AMOTL1: variants seen among roughly 807,000 people sequenced by gnomAD.
AMOTL1 encodes the protein angiomotin like 1.
Under a neutral mutation model 102.9 loss-of-function variants are expected in AMOTL1, and 45 were observed. The observed-to-expected ratio is 0.44, with a 90% CI of 0.34 to 0.56. AMOTL1 has a LOEUF of 0.56. AMOTL1 is among the 20% of genes least tolerant of loss of function. The probability of loss-of-function intolerance (pLI) is 0.01; values close to 1 mark genes in which losing one functional copy is unlikely to be tolerated. For missense variants in AMOTL1, 1,114 were observed against 1,225.6 expected, an observed-to-expected ratio of 0.91 and a Z score of 1.36; for synonymous variants, 481 against 484.7, an observed-to-expected ratio of 0.99 and a Z score of 0.10.
intron 1 of AMOTL1, among the ~76,000 whole-genome samples, chr11:94,712,137 C>T (rs1176867713): frequency 1.3e-5 from 2 of 151,988 alleles, no homozygotes; most frequent in East Asian, 3.9e-4. Context: ...TTTAGTCATT[C>T]TGATAGATGG....
intron 2 of AMOTL1, among the ~76,000 whole-genome samples, chr11:94,731,565 A>T (rs563359565): frequency 6.6e-6 from 1 of 152,326 alleles, no homozygotes; most frequent in South Asian, 2.1e-4. Context: ...AAATGGACGA[A>T]TTATAGAAAA....
chr11:94,707,447 CG>C (rs34065138), intron 1 of AMOTL1, among the ~76,000 whole-genome samples: 5,127 of 152,090 alleles, frequency 0.034, 125 homozygotes, highest in East Asian at 0.1. Flanking sequence ...GGATGATAAA[CG>C]GCTTTTGGAA....
chr11:94,836,608 T>C (rs1952187150), intron 6 of AMOTL1, among the ~76,000 whole-genome samples: 1 of 152,214 alleles, frequency 6.6e-6, no homozygotes, highest in Non-Finnish European at 1.5e-5. Flanking sequence ...CAAAATATTC[T>C]TTTAAACTTA....
rs1329824595 is a variant in AMOTL1, at chr11:94,800,198, C to T, written c.1008C>T (p.Asp336=). The change falls in exon 3 of 13, where the codon GAC becomes GAT. Residue 336 remains aspartate (D), a synonymous_variant. Coordinates refer to ENST00000433060, the MANE Select transcript of AMOTL1 (RefSeq NM_130847.3). ...AGGAGCACGGACTTTTTTATGGTGA[C>T]CAGCACCCCGGGATGCTCCACGAGA... The part of the protein sequence containing the change: ...KTQEHGLFYG[D]QHPGMLHEMV... 8 of 1,613,948 alleles carry T rather than the reference C, an allele frequency of 5.0e-6. No individual in the cohort carries two copies. The South Asian group carries it at 6.6e-5, about 13-fold the overall frequency.
chr11:94,738,238 A>C (rs1197983955), intron 2 of AMOTL1, among the ~76,000 whole-genome samples: 1 of 147,216 alleles, frequency 6.8e-6, no homozygotes, highest in Non-Finnish European at 1.5e-5. Context: ...CGAAAATAAG[A>C]CCAGAGAGCA....
intron 6 of AMOTL1, among the ~76,000 whole-genome samples, chr11:94,840,465 G>A (rs1172038763): frequency 6.6e-6 from 1 of 151,944 alleles, no homozygotes; most frequent in African/African-American, 2.4e-5. Flanking sequence ...AAATGACAGT[G>A]GGAGGGGTTA....
rs771929781 is a variant in AMOTL1, at chr11:94,821,805, C to T, written c.1397C>T (p.Ala466Val). ...GAACTTCAGGGTTACTACGACAATG[C>T]CGACAAGCTCCACAAGGTGCGTGAC... ...HQELQGYYDN[A>V]DKLHKFEKEL... Residue 466 changes from alanine (A) to valine (V), a missense_variant, in exon 4 of 13, where the codon GCC becomes GTC. By Grantham distance (64) the Ala-to-Val change is moderately conservative (BLOSUM62 0). Coordinates refer to ENST00000433060, the MANE Select transcript of AMOTL1 (RefSeq NM_130847.3). 1.9e-6 allele frequency: 3 copies of T among 1,613,710 alleles called. No individual in the cohort carries two copies. Among genetic ancestry groups the T allele is most frequent in the South Asian group, 2.2e-5 (2 of 91,062 alleles).
rs756448740 is a variant in AMOTL1 at position 94,821,644 on chromosome 11, G to A, written c.1236G>A (p.Pro412=). 26 of 1,613,652 alleles carry A rather than the reference G, an allele frequency of 1.6e-5. No homozygotes were observed. Among genetic ancestry groups the A allele is most frequent in the Middle Eastern group, 1.6e-4 (1 of 6,084 alleles). The change falls in exon 4 of 13, where the codon CCG becomes CCA. Residue 412 remains proline, a synonymous_variant. Transcript: ENST00000433060. ...CTGTCTCCCTGCCGCTTCCACTCCC[G>A]ATGGCCCTGGGTGCTCCACAGCCCC... The part of the protein sequence containing the change: ...LHSVSLPLPL[P]MALGAPQPPP...
At chr11:94,823,748 A>T (rs1272147122) in intron 4 of AMOTL1, among the ~76,000 whole-genome samples, 1 of 144,648 alleles carries the variant, frequency 6.9e-6, no homozygotes, top group East Asian at 2.0e-4. Context: ...ATGGAGTCTC[A>T]CTCCATTGCC....
At chr11:94,814,307 G>A (rs1326416239) in intron 3 of AMOTL1, among the ~76,000 whole-genome samples, 1 of 152,130 alleles carries the variant, frequency 6.6e-6, no homozygotes, top group African/African-American at 2.4e-5. Context: ...GGAAAGAATG[G>A]GCTTTTTCAA....
chr11:94,809,305 T>TA (rs1388508464), intron 3 of AMOTL1, among the ~76,000 whole-genome samples: 1 of 152,182 alleles, frequency 6.6e-6, no homozygotes. Context: ...GTTTTACCCT[T>TA]AGAGTACATC....
intron 3 of AMOTL1, among the ~76,000 whole-genome samples, chr11:94,817,615 C>T (rs1158532784): frequency 2.0e-5 from 3 of 152,056 alleles, no homozygotes; most frequent in Non-Finnish European, 4.4e-5. Context: ...ATAGAAGTAA[C>T]CCAATTTCCT....
chr11:94,866,057 T>A lies in AMOTL1; in HGVS notation c.2377T>A (p.Ser793Thr). The part of the protein sequence containing the change: ...TDSSSLRPAR[S>T]VPSIAAATGT... Reference sequence around the variant, plus strand: ...CTCCTCCAGCCTACGTCCTGCCCGCTCCGTTCCATCCATAGCAGCAGCTAC... The same window carrying A: ...CTCCTCCAGCCTACGTCCTGCCCGCACCGTTCCATCCATAGCAGCAGCTAC... Residue 793 changes from serine (S) to threonine (T), a missense_variant, in exon 11 of 13, where the codon TCC becomes ACC. Coordinates refer to ENST00000433060, the MANE Select transcript of AMOTL1 (RefSeq NM_130847.3). The A allele has an allele frequency of 6.2e-7, 1 of 1,613,960 alleles. No individual in the cohort carries two copies. The highest frequency in any genetic ancestry group is 8.5e-7 in the Non-Finnish European group (1 of 1,179,890).
At chr11:94,779,173 G>T (rs535639035) in intron 1 of AMOTL1, among the ~76,000 whole-genome samples, 1 of 152,234 alleles carries the variant, frequency 6.6e-6, no homozygotes, top group South Asian at 2.1e-4. Context: ...TATGAAAAAC[G>T]TAGCCCACAA....
chr11:94,797,772 G>A (rs1371193521), intron 2 of AMOTL1, among the ~76,000 whole-genome samples: 1 of 152,228 alleles, frequency 6.6e-6, no homozygotes, highest in Non-Finnish European at 1.5e-5. Flanking sequence ...ATGTACATAA[G>A]TATTGCTGGA....
Position 94,864,250 on chromosome 11 carries a change from C to CAATAAT in AMOTL1, c.2136-462_2136-457dup, listed in dbSNP as rs143730804. ...ACAAGCATGGAAACACCAACAAATA[C>CAATAAT]AATAATAATAATAATAATAATAATA... On this transcript the variant is annotated intron_variant, in intron 9 of 12. Coordinates refer to ENST00000433060, the MANE Select transcript of AMOTL1 (RefSeq NM_130847.3). Among the ~76,000 whole-genome samples the CAATAAT allele has an allele frequency of 2.4e-3, 353 of 150,192 alleles. 1 individual carries two copies. Among genetic ancestry groups the CAATAAT allele is most frequent in the African/African-American group, 7.9e-3 (323 of 40,746 alleles).
At chr11:94,812,962 T>C (rs797018461) in intron 3 of AMOTL1, among the ~76,000 whole-genome samples, 1 of 152,204 alleles carries the variant, frequency 6.6e-6, no homozygotes, top group African/African-American at 2.4e-5. Flanking sequence ...AAGAGCCAGC[T>C]GCTTCTAATC....
chr11:94,839,724 TG>T (rs1239314168), intron 6 of AMOTL1, among the ~76,000 whole-genome samples: 3 of 152,206 alleles, frequency 2.0e-5, no homozygotes, highest in Non-Finnish European at 4.4e-5. Context: ...TCTTATTTTT[TG>T]CTTCCCCTTT....
chr11:94,726,466 A>G (rs538408516), intron 1 of AMOTL1, among the ~76,000 whole-genome samples: 2 of 152,314 alleles, frequency 1.3e-5, no homozygotes, highest in African/African-American at 4.8e-5. Flanking sequence ...TAGTTCTAAA[A>G]AAGTGATTCT....
Sources: allele counts gnomAD v4.1 joint callset (sites outside exome capture counted in the v4.1 genomes callset), GRCh38; gene constraint gnomAD v4.1.1; transcripts MANE v1.5; gene names NCBI Gene and HGNC (gene_info 2026-07-23, HGNC 2026-07-21).